Variants in LRP1B observed in about 807,000 individuals in gnomAD.
LRP1B encodes low-density lipoprotein receptor-related protein 1B.
LRP1B carries 217 observed loss-of-function variants against 556.6 expected under a neutral mutation model. The ratio of observed to expected loss-of-function variants is 0.39; its 90% CI spans 0.35 to 0.44. LRP1B has a LOEUF of 0.44. Among genes scored for constraint, LRP1B ranks in the 20% least tolerant of loss-of-function variants. The pLI is 1.00. For synonymous variants in LRP1B, 2,047 were observed against 1,865.8 expected, an observed-to-expected ratio of 1.10 and a Z score of -2.50; for missense variants, 5,053 against 5,620.8, an observed-to-expected ratio of 0.90 and a Z score of 3.23.
intron 35 of LRP1B, among the ~76,000 whole-genome samples, chr2:140,768,873 A>G (rs1324237554): frequency 6.6e-6 from 1 of 151,964 alleles, no homozygotes; most frequent in African/African-American, 2.4e-5. Context: ...AGTATATAAT[A>G]GATCAAAATG....
At chr2:142,057,936 C>G (rs1044877755) in intron 1 of LRP1B, among the ~76,000 whole-genome samples, 1 of 152,060 alleles carries the variant, frequency 6.6e-6, no homozygotes, top group Non-Finnish European at 1.5e-5. Flanking sequence ...ACTCTTGAAC[C>G]CTTTCTACAG....
chr2:141,138,656 AATTT>A (rs999372365), intron 7 of LRP1B, among the ~76,000 whole-genome samples: 14 of 151,890 alleles, frequency 9.2e-5, no homozygotes, highest in Admixed American at 5.9e-4. Context: ...TTGAAATATG[AATTT>A]ATTGTTTGAA....
chr2:141,488,893 T>A (rs13024130), intron 2 of LRP1B, among the ~76,000 whole-genome samples: 12,969 of 152,164 alleles, frequency 0.085, 602 homozygotes, highest in South Asian at 0.12. Flanking sequence ...AGTGTCATTA[T>A]AACTAAGTTA....
intron 1 of LRP1B, among the ~76,000 whole-genome samples, chr2:142,125,673 G>C (rs1707618822): frequency 6.6e-6 from 1 of 151,774 alleles, no homozygotes; most frequent in Admixed American, 6.6e-5. Flanking sequence ...TGATTGCTCT[G>C]TTGCAATTTC....
At chr2:141,986,099 G>A (rs1019580101) in intron 1 of LRP1B, among the ~76,000 whole-genome samples, 1 of 151,788 alleles carries the variant, frequency 6.6e-6, no homozygotes, top group African/African-American at 2.4e-5. Flanking sequence ...CTAAAATTAA[G>A]AGCTAAACAT....
intron 29 of LRP1B, among the ~76,000 whole-genome samples, chr2:140,842,210 T>A (rs115829028): frequency 6.6e-6 from 1 of 152,284 alleles, no homozygotes; most frequent in East Asian, 1.9e-4. Context: ...GATTTTTTAA[T>A]GTGAAAGTGG....
At chr2:140,424,265 A>G (rs555474480) in intron 66 of LRP1B, among the ~76,000 whole-genome samples, 5 of 152,238 alleles carry the variant, frequency 3.3e-5, no homozygotes, top group African/African-American at 1.2e-4. Context: ...AATCCAAAAA[A>G]TTTTTTAAAA....
chr2:140,715,904 A>G, intron 37 of LRP1B, 69 bp downstream of exon 37: 1 of 1,257,218 alleles, frequency 8.0e-7, no homozygotes, highest in Non-Finnish European at 1.1e-6. Context: ...AAAAGTAATT[A>G]GTTTTTTTTC....
At chr2:141,051,766 TG>T (rs1461211865) in intron 10 of LRP1B, among the ~76,000 whole-genome samples, 1 of 152,042 alleles carries the variant, frequency 6.6e-6, no homozygotes, top group Non-Finnish European at 1.5e-5. Flanking sequence ...ATGTTTGAAT[TG>T]CATGTGTGAA....
At chr2:142,116,505 G>A (rs1490485043) in intron 1 of LRP1B, among the ~76,000 whole-genome samples, 3 of 152,096 alleles carry the variant, frequency 2.0e-5, no homozygotes, top group Middle Eastern at 3.2e-3. Context: ...TTAATGCAGT[G>A]AACATTGCAT....
chr2:140,361,699 T>C (rs1301006774), intron 72 of LRP1B, among the ~76,000 whole-genome samples: 3 of 151,362 alleles, frequency 2.0e-5, no homozygotes, highest in South Asian at 4.2e-4. Flanking sequence ...TAGGGGCTTG[T>C]TGTCACTCAA....
chr2:141,296,834 G>A (rs1686200189), intron 3 of LRP1B, among the ~76,000 whole-genome samples: 1 of 152,110 alleles, frequency 6.6e-6, no homozygotes, highest in Non-Finnish European at 1.5e-5. Flanking sequence ...GAGCATAGTA[G>A]CAGTTTTGAG....
In LRP1B at chr2:140,918,186, TTGTGTGTG is replaced by T. The variant is rs61561343; in HGVS notation, c.3319+4771_3319+4778del. Among the ~76,000 whole-genome samples the T allele has an allele frequency of 1.7e-3, 246 of 147,816 alleles. 2 individuals carry two copies. Among genetic ancestry groups the T allele is most frequent in the Admixed American group, 0.01 (151 of 14,696 alleles). On this transcript the variant is annotated intron_variant, in intron 21 of 90. Transcript: ENST00000389484. ...AATCATTCTGCTGTAGATTTCTATTTTGTGTGTGTGTGTGTGTGTGTGTGTGTGTGTGT... is the reference window on the plus strand; with the variant it reads ...AATCATTCTGCTGTAGATTTCTATTTTGTGTGTGTGTGTGTGTGTGTGTGT...
At chr2:141,579,821 T>C (rs1686899798) in intron 2 of LRP1B, among the ~76,000 whole-genome samples, 1 of 143,984 alleles carries the variant, frequency 6.9e-6, no homozygotes, top group Non-Finnish European at 1.5e-5. Context: ...TGCCTCAGCC[T>C]CCCAAGTAGC....
At chr2:140,546,655 C>T (rs1680351416) in intron 43 of LRP1B, among the ~76,000 whole-genome samples, 1 of 151,998 alleles carries the variant, frequency 6.6e-6, no homozygotes, top group Admixed American at 6.6e-5. Context: ...AGGGTCCCTC[C>T]CGTGACACAT....
intron 7 of LRP1B, among the ~76,000 whole-genome samples, chr2:141,120,138 CA>C (rs1266227477): frequency 2.6e-5 from 4 of 151,808 alleles, no homozygotes; most frequent in Non-Finnish European, 4.4e-5. Flanking sequence ...CACTGACAGG[CA>C]AGGAATTTCA....
chr2:141,344,281 C>T (rs1688169971), intron 3 of LRP1B, among the ~76,000 whole-genome samples: 1 of 152,146 alleles, frequency 6.6e-6, no homozygotes, highest in Non-Finnish European at 1.5e-5. Flanking sequence ...CAGCTAAAGT[C>T]CTTACACAGG....
intron 2 of LRP1B, among the ~76,000 whole-genome samples, chr2:141,498,448 T>A (rs1010775866): frequency 3.3e-5 from 5 of 152,090 alleles, no homozygotes; most frequent in African/African-American, 1.2e-4. Context: ...ACATTTTTTT[T>A]AAATGTGAGT....
At chr2:141,126,084 T>G (rs1364569618) in intron 7 of LRP1B, among the ~76,000 whole-genome samples, 1 of 151,008 alleles carries the variant, frequency 6.6e-6, no homozygotes, top group African/African-American at 2.4e-5. Context: ...CAGGCTGGAG[T>G]GCAATGGCAA....
Sources: allele counts gnomAD v4.1 joint callset (sites outside exome capture counted in the v4.1 genomes callset), GRCh38; gene constraint gnomAD v4.1.1; transcripts MANE v1.5; gene names NCBI Gene and HGNC (gene_info 2026-07-23, HGNC 2026-07-21).